FBXO36: variants seen among roughly 807,000 people sequenced by gnomAD.
FBXO36 encodes the protein F-box protein 36, also known as F-box only protein 36.
Under a neutral mutation model 17.0 loss-of-function variants are expected in FBXO36, and 18 were observed. That is an observed-to-expected ratio of 1.06 (90% CI 0.73 to 1.57). FBXO36 has a LOEUF of 1.57. FBXO36 is among the 40% of genes most tolerant of loss of function. FBXO36 has a pLI of 0.00. For missense variants in FBXO36, 229 were observed against 221.9 expected (o/e 1.03, Z -0.20); for synonymous variants, 83 against 85.3 (o/e 0.97, Z 0.15).
intron 3 of FBXO36, among the ~76,000 whole-genome samples, chr2:230,001,017 C>A (rs993166742): frequency 1.3e-5 from 2 of 151,720 alleles, no homozygotes; most frequent in Non-Finnish European, 2.9e-5. Context: ...TGCCACCATG[C>A]CTGGCTAATT....
chr2:229,996,041 C>T (rs1019611106), intron 2 of FBXO36, among the ~76,000 whole-genome samples: 1 of 151,412 alleles, frequency 6.6e-6, no homozygotes, highest in Non-Finnish European at 1.5e-5. Flanking sequence ...TTTGGGAGGC[C>T]GAGGTGGGAG....
chr2:229,972,057 G>A (rs903813609), intron 1 of FBXO36, among the ~76,000 whole-genome samples: 3 of 141,822 alleles, frequency 2.1e-5, no homozygotes, highest in Admixed American at 1.5e-4. Flanking sequence ...GCAATGACAC[G>A]ATCTTGGCTC....
At chr2:230,004,706 C>G (rs1208707612) in intron 3 of FBXO36, among the ~76,000 whole-genome samples, 1 of 152,110 alleles carries the variant, frequency 6.6e-6, no homozygotes, top group African/African-American at 2.4e-5. Context: ...ATTTTAGACA[C>G]TTTTAAAATA....
At chr2:230,001,022 C>A (rs1439848582) in intron 3 of FBXO36, among the ~76,000 whole-genome samples, 1 of 151,700 alleles carries the variant, frequency 6.6e-6, no homozygotes, top group Non-Finnish European at 1.5e-5. Flanking sequence ...CCATGCCTGG[C>A]TAATTTTTGC....
chr2:229,979,169 C>CAAA (rs11368097), intron 2 of FBXO36, among the ~76,000 whole-genome samples: 1 of 129,514 alleles, frequency 7.7e-6, no homozygotes. Flanking sequence ...TACTCTGTCT[C>CAAA]AAAAAAAAAA....
At chr2:229,925,823 G>C (rs1340610961) in intron 1 of FBXO36, among the ~76,000 whole-genome samples, 1 of 151,950 alleles carries the variant, frequency 6.6e-6, no homozygotes, top group East Asian at 1.9e-4. Flanking sequence ...GCTTATACAG[G>C]CACTTCTCTT....
At chr2:229,992,440 G>T (rs2077302593) in intron 2 of FBXO36, among the ~76,000 whole-genome samples, 2 of 152,108 alleles carry the variant, frequency 1.3e-5, no homozygotes, top group South Asian at 4.1e-4. Context: ...TTACAGGCAT[G>T]AGCGACCACA....
chr2:229,937,356 G>C lies in FBXO36; in HGVS notation c.96+14747G>C, dbSNP rs532912046. On this transcript the variant is annotated intron_variant, in intron 1 of 3. Coordinates refer to ENST00000283946, the MANE Select transcript of FBXO36 (RefSeq NM_174899.5). ...CTAAGAATACAAAAATTAGCCGAGTGTGGTGGCAGGCACCTGTAATCCCAG... is the reference window on the plus strand; with the variant it reads ...CTAAGAATACAAAAATTAGCCGAGTCTGGTGGCAGGCACCTGTAATCCCAG... Among the ~76,000 whole-genome samples the C allele has an allele frequency of 3.3e-5, 5 of 152,096 alleles. No individual in the cohort carries two copies. The East Asian group carries it at 9.7e-4, about 29-fold the overall frequency.
intron 1 of FBXO36, among the ~76,000 whole-genome samples, chr2:229,934,033 G>A (rs565387074): frequency 8.6e-5 from 13 of 151,878 alleles, no homozygotes; most frequent in African/African-American, 3.1e-4. Flanking sequence ...TTTGTGATTA[G>A]AAAAGATTGG....
intron 3 of FBXO36, among the ~76,000 whole-genome samples, chr2:230,006,105 G>GT (rs577192144): frequency 0.019 from 2,372 of 124,638 alleles, 68 homozygotes; most frequent in African/African-American, 0.057. Context: ...TTTTATTTTA[G>GT]TTTTTTTTTT....
At chr2:229,938,216 CTTTTTTTTTT>C (rs71049603) in intron 1 of FBXO36, among the ~76,000 whole-genome samples, 1 of 73,258 alleles carries the variant, frequency 1.4e-5, no homozygotes, top group Non-Finnish European at 2.4e-5. Context: ...ATACAACTTT[CTTTTTTTTTT>C]TTTTTTTTTT....
At chr2:229,948,622 T>C (rs1235281934) in intron 1 of FBXO36, among the ~76,000 whole-genome samples, 2 of 152,010 alleles carry the variant, frequency 1.3e-5, no homozygotes, top group Non-Finnish European at 2.9e-5. Flanking sequence ...AAGGGGTGAC[T>C]GTGACTACAC....
intron 1 of FBXO36, among the ~76,000 whole-genome samples, chr2:229,958,454 A>G (rs2077103064): frequency 6.6e-6 from 1 of 152,032 alleles, no homozygotes; most frequent in African/African-American, 2.4e-5. Context: ...TATTTTTAGT[A>G]GAGACGGGGT....
intron 2 of FBXO36, chr2:229,976,901 A>G (rs913520901): frequency 5.9e-5 from 9 of 152,138 alleles, no homozygotes. Flanking sequence ...ATGCTATAAT[A>G]TTTATGAATT....
chr2:229,945,534 G>A (rs1268752392), intron 1 of FBXO36, among the ~76,000 whole-genome samples: 2 of 151,248 alleles, frequency 1.3e-5, no homozygotes, highest in African/African-American at 2.4e-5. Context: ...TCAAACTCCC[G>A]ACCTCAGGTG....
intron 2 of FBXO36, among the ~76,000 whole-genome samples, chr2:229,982,827 A>AGTTACTT (rs1246402405): frequency 1.3e-5 from 2 of 150,728 alleles, no homozygotes; most frequent in African/African-American, 4.9e-5. Context: ...ACATCTGCAC[A>AGTTACTT]GTTACTTTTG....
intron 3 of FBXO36, among the ~76,000 whole-genome samples, chr2:229,998,624 GA>G (rs71049611): frequency 1.0e-3 from 132 of 129,940 alleles, no homozygotes; most frequent in Admixed American, 1.2e-3. Context: ...CTCAGTCTCA[GA>G]AAAAAAAAAA....
chr2:229,928,573 C>T (rs770790675), intron 1 of FBXO36, among the ~76,000 whole-genome samples: 16 of 152,188 alleles, frequency 1.1e-4, no homozygotes, highest in African/African-American at 3.9e-4. Flanking sequence ...CACCACCTTT[C>T]ACCCACCTCC....
At chr2:229,976,822 A>C (rs1477725899) in intron 2 of FBXO36, 1 of 152,462 alleles carries the variant, frequency 6.6e-6, no homozygotes, top group Non-Finnish European at 1.5e-5. Flanking sequence ...TCTGTCTTAA[A>C]AAAAAAAAAG....
Sources: gnomAD v4.1 joint callset for allele counts (sites outside exome capture counted in the v4.1 genomes callset) on GRCh38, gnomAD v4.1.1 for gene constraint, MANE v1.5 for transcripts, NCBI Gene and HGNC (gene_info 2026-07-23, HGNC 2026-07-21) for gene names.